Variants in SLC24A2 observed in about 807,000 individuals in gnomAD.
The protein encoded by SLC24A2 is sodium/potassium/calcium exchanger 2.
A neutral mutation model predicts 62.0 loss-of-function variants in SLC24A2; 36 were observed. The ratio of observed to expected loss-of-function variants is 0.58; its 90% CI spans 0.44 to 0.77. The LOEUF (loss-of-function observed/expected upper bound fraction) is 0.77, where lower values mean the gene tolerates loss of function less well. Ranked by LOEUF, SLC24A2 falls within the 30% of genes least tolerant of loss-of-function variation. SLC24A2 has a pLI of 0.00. For missense variants in SLC24A2, 846 were observed against 817.9 expected, an observed-to-expected ratio of 1.03 and a Z score of -0.42; for synonymous variants, 358 against 294.0, an observed-to-expected ratio of 1.22 and a Z score of -2.23.
At chr9:19,986,810 T>C in the SLC24A2 span, among the ~76,000 whole-genome samples, 1 of 152,158 alleles carries the variant, frequency 6.6e-6, no homozygotes, top group Non-Finnish European at 1.5e-5. Context: ...AACTACTTAA[T>C]GGGTATAGAT....
chr9:20,015,545 T>A, the SLC24A2 span, among the ~76,000 whole-genome samples: 1 of 152,212 alleles, frequency 6.6e-6, no homozygotes, highest in Non-Finnish European at 1.5e-5. Context: ...CATGCAAATG[T>A]CACTGTGGCC....
the SLC24A2 span, among the ~76,000 whole-genome samples, chr9:20,239,821 A>G: frequency 1.3e-5 from 2 of 151,660 alleles, no homozygotes; most frequent in East Asian, 1.9e-4. Context: ...AGCTGCTTCT[A>G]TTGTCAAAGA....
In SLC24A2 at chr9:19,512,075, G is replaced by GTC. The variant is rs924142177; in HGVS notation, c.*4076_*4077dup. ...CTTTGGTCAACTTTTTGTTAAAGTG[G>GTC]TCTGGGGGTGGGCTCCCTTTGTAGC... On this transcript the variant is annotated 3_prime_UTR_variant, in exon 11 of 11. Coordinates refer to ENST00000341998, the MANE Select transcript of SLC24A2 (RefSeq NM_020344.4). The GTC allele has an allele frequency of 6.6e-6, 1 of 152,266 alleles. No homozygotes were observed. Among genetic ancestry groups the GTC allele is most frequent in the African/African-American group, 2.4e-5 (1 of 41,464 alleles). The allele number at this position is 152,266 out of a possible 1,614,324, so 9.4% of individuals were successfully genotyped here.
intron 2 of SLC24A2, among the ~76,000 whole-genome samples, chr9:19,779,203 A>G (rs2118920811): frequency 6.6e-6 from 1 of 152,326 alleles, no homozygotes; most frequent in East Asian, 1.9e-4. Context: ...GACTATAGGA[A>G]GATTGGGGTA....
chr9:20,066,453 G>A, the SLC24A2 span, among the ~76,000 whole-genome samples: 1 of 152,116 alleles, frequency 6.6e-6, no homozygotes, highest in South Asian at 2.1e-4. Flanking sequence ...TTGGCTTAAT[G>A]CACATCTTCT....
chr9:19,770,550 TTC>T (rs1472130114), intron 2 of SLC24A2, among the ~76,000 whole-genome samples: 1 of 152,190 alleles, frequency 6.6e-6, no homozygotes, highest in Non-Finnish European at 1.5e-5. Flanking sequence ...TAGTGATCCA[TTC>T]CTATTACCTT....
At chr9:20,066,101 G>C in the SLC24A2 span, among the ~76,000 whole-genome samples, 1 of 152,166 alleles carries the variant, frequency 6.6e-6, no homozygotes, top group Non-Finnish European at 1.5e-5. Context: ...TCCAGTAAAT[G>C]ACTGGGAATA....
the SLC24A2 span, among the ~76,000 whole-genome samples, chr9:20,087,934 G>A: frequency 1.2e-4 from 18 of 152,260 alleles, no homozygotes; most frequent in East Asian, 7.7e-4. Flanking sequence ...TGAGCGATCC[G>A]GGGACCCATG....
chr9:20,281,061 C>A, the SLC24A2 span, among the ~76,000 whole-genome samples: 1 of 152,158 alleles, frequency 6.6e-6, no homozygotes, highest in African/African-American at 2.4e-5. Context: ...TCCCAAGTAG[C>A]TGGGACTACA....
the SLC24A2 span, among the ~76,000 whole-genome samples, chr9:20,285,645 A>T: frequency 6.6e-6 from 1 of 152,314 alleles, no homozygotes; most frequent in African/African-American, 2.4e-5. Flanking sequence ...ATCTCATCCA[A>T]AGTCACCTCA....
At chr9:19,518,663 G>A (rs902513093) in intron 10 of SLC24A2, among the ~76,000 whole-genome samples, 4 of 151,934 alleles carry the variant, frequency 2.6e-5, no homozygotes, top group African/African-American at 4.8e-5. Context: ...CTTGTGATCC[G>A]CCCACCTCAG....
the SLC24A2 span, among the ~76,000 whole-genome samples, chr9:19,845,042 T>A: frequency 6.6e-6 from 1 of 152,054 alleles, no homozygotes; most frequent in East Asian, 1.9e-4. Flanking sequence ...GTTTTTTAAT[T>A]CTGTGAAAAA....
chr9:19,553,150 G>A (rs1407451807), intron 7 of SLC24A2, among the ~76,000 whole-genome samples: 1 of 152,198 alleles, frequency 6.6e-6, no homozygotes, highest in Non-Finnish European at 1.5e-5. Context: ...TCTTTGCCAA[G>A]TAAAGTCTCA....
chr9:19,722,864 T>C (rs999880056), intron 2 of SLC24A2, among the ~76,000 whole-genome samples: 6 of 152,042 alleles, frequency 3.9e-5, no homozygotes, highest in Admixed American at 1.3e-4. Context: ...TTCTAGAGCA[T>C]TTGGAGGTGC....
At chr9:20,149,583 T>G in the SLC24A2 span, among the ~76,000 whole-genome samples, 1 of 152,076 alleles carries the variant, frequency 6.6e-6, no homozygotes, top group Admixed American at 6.6e-5. Context: ...TGCAATCAGT[T>G]ACAGGTAATA....
the SLC24A2 span, among the ~76,000 whole-genome samples, chr9:20,294,199 G>A: frequency 1.3e-5 from 2 of 152,096 alleles, no homozygotes; most frequent in African/African-American, 2.4e-5. Context: ...TCCCATATCT[G>A]TAGGCTGCAC....
At chr9:19,516,634 T>A (rs900590879) in intron 10 of SLC24A2, among the ~76,000 whole-genome samples, 1 of 151,292 alleles carries the variant, frequency 6.6e-6, no homozygotes, top group Non-Finnish European at 1.5e-5. Flanking sequence ...GGGAGAACAG[T>A]TAGACAACAT....
the SLC24A2 span, among the ~76,000 whole-genome samples, chr9:20,153,467 T>G: frequency 6.6e-6 from 1 of 151,900 alleles, no homozygotes; most frequent in Non-Finnish European, 1.5e-5. Context: ...TTACCACGTG[T>G]TTCATCTCAG....
At chr9:20,167,516 T>G in the SLC24A2 span, among the ~76,000 whole-genome samples, 1 of 151,946 alleles carries the variant, frequency 6.6e-6, no homozygotes, top group African/African-American at 2.4e-5. Context: ...GATAAAGACC[T>G]AGAAGCAATG....
Sources: gnomAD v4.1 joint callset for allele counts (sites outside exome capture counted in the v4.1 genomes callset) on GRCh38, gnomAD v4.1.1 for gene constraint, MANE v1.5 for transcripts, NCBI Gene and HGNC (gene_info 2026-07-23, HGNC 2026-07-21) for gene names.